Variants in CUL2 observed in about 807,000 individuals in gnomAD.
The protein encoded by CUL2 is cullin-2.
In CUL2, 22 loss-of-function variants were observed where a neutral mutation model predicts 110.2. The ratio of observed to expected loss-of-function variants is 0.20; its 90% CI spans 0.14 to 0.28. CUL2 has a LOEUF of 0.28. CUL2 is among the 10% of genes least tolerant of loss of function. The pLI is 1.00. For missense variants in CUL2, 631 were observed against 905.5 expected, an observed-to-expected ratio of 0.70 and a Z score of 3.89; for synonymous variants, 279 against 293.2, an observed-to-expected ratio of 0.95 and a Z score of 0.49.
At chr10:35,102,366 G>T (rs1045038835) in intron 1 of CUL2, among the ~76,000 whole-genome samples, 2 of 152,090 alleles carry the variant, frequency 1.3e-5, no homozygotes, top group Non-Finnish European at 2.9e-5. Flanking sequence ...GAGGCCAGGA[G>T]TTCAAGACCA....
chr10:35,026,778 G>A (rs1278220080), intron 16 of CUL2, among the ~76,000 whole-genome samples: 1 of 152,042 alleles, frequency 6.6e-6, no homozygotes, highest in Non-Finnish European at 1.5e-5. Flanking sequence ...AAATAATTGT[G>A]TTAGCAAAGC....
chr10:35,068,749 G>GTA (rs1451374343), intron 2 of CUL2, among the ~76,000 whole-genome samples: 1 of 152,134 alleles, frequency 6.6e-6, no homozygotes, highest in Non-Finnish European at 1.5e-5. Flanking sequence ...TATTTACATT[G>GTA]TATGGCCCTT....
intron 1 of CUL2, among the ~76,000 whole-genome samples, chr10:35,119,520 T>C (rs1409534003): frequency 6.6e-6 from 1 of 152,056 alleles, no homozygotes; most frequent in Non-Finnish European, 1.5e-5. Flanking sequence ...GGTACTCATA[T>C]CTAGGTATAC....
At chr10:35,016,109 A>G in intron 18 of CUL2, 83 bp downstream of exon 18, 1 of 1,118,876 alleles carries the variant, frequency 8.9e-7, no homozygotes, top group Non-Finnish European at 1.3e-6. Flanking sequence ...TAACAATTAC[A>G]GCCTTATTTT....
chr10:35,024,592 C>T (rs1427052794), intron 17 of CUL2, among the ~76,000 whole-genome samples: 1 of 152,200 alleles, frequency 6.6e-6, no homozygotes, highest in Non-Finnish European at 1.5e-5. Flanking sequence ...ATTAATCCTA[C>T]TGTAAGTAAG....
chr10:35,083,318 A>C (rs996901897), intron 1 of CUL2, among the ~76,000 whole-genome samples: 1 of 152,216 alleles, frequency 6.6e-6, no homozygotes, highest in African/African-American at 2.4e-5. Flanking sequence ...TGAATACACA[A>C]ACACACATAT....
Position 35,060,974 on chromosome 10 carries a change from TAA to T in CUL2, c.223-8_223-7del. 1 of 1,601,048 alleles carries T rather than the reference TAA, an allele frequency of 6.2e-7. No homozygotes were observed. The highest frequency in any genetic ancestry group is 8.5e-7 in the Non-Finnish European group (1 of 1,176,350). ...TCTTCTGACTCCAAAACTCTCTATA[TAA>T]AGAGGAAAAATATTTTTACTTGAAA... On this transcript the variant is annotated splice_polypyrimidine_tract_variant and splice_region_variant and intron_variant, in intron 3 of 20. Coordinates refer to ENST00000374749, the MANE Select transcript of CUL2 (RefSeq NM_003591.4).
intron 1 of CUL2, among the ~76,000 whole-genome samples, chr10:35,111,959 G>A (rs538310135): frequency 6.6e-6 from 1 of 152,332 alleles, no homozygotes; most frequent in African/African-American, 2.4e-5. Flanking sequence ...GAGATTGGGA[G>A]TGTGGTAGAA....
At chr10:35,050,006 TAAGA>T (rs2086057529) in intron 5 of CUL2, among the ~76,000 whole-genome samples, 1 of 152,190 alleles carries the variant, frequency 6.6e-6, no homozygotes. Flanking sequence ...TTGAAAATCT[TAAGA>T]AATAATTGAT....
At chr10:35,108,224 G>T (rs2087486946) in intron 1 of CUL2, among the ~76,000 whole-genome samples, 1 of 152,100 alleles carries the variant, frequency 6.6e-6, no homozygotes, top group Non-Finnish European at 1.5e-5. Context: ...CTGGGCTAAG[G>T]TGGGAGGATT....
intron 8 of CUL2, among the ~76,000 whole-genome samples, chr10:35,041,482 C>T (rs751793726): frequency 1.6e-4 from 25 of 152,204 alleles, no homozygotes; most frequent in Admixed American, 3.9e-4. Context: ...GAGCAAAGCC[C>T]AGGGTTTTGC....
rs188012888 is a variant in CUL2 at position 35,121,823 on chromosome 10, A to T, written c.-51+4782T>A. Among the ~76,000 whole-genome samples, 1,006 of 151,990 alleles carry T rather than the reference A, an allele frequency of 6.6e-3. 5 individuals are homozygous for T. Among genetic ancestry groups the T allele is most frequent in the African/African-American group, 9.2e-3 (380 of 41,512 alleles). ...AGACCCTGTCTCAAAAAAAAAAAAA[A>T]AAATAAAAATTAGTTTAGTTTAACG... On this transcript the variant is annotated intron_variant, in intron 1 of 5. Coordinates refer to the CUL2 transcript ENST00000685421.
chr10:35,057,686 C>A (rs2086275236), intron 4 of CUL2, among the ~76,000 whole-genome samples: 1 of 151,318 alleles, frequency 6.6e-6, no homozygotes, highest in South Asian at 2.1e-4. Context: ...AAAATAAAGT[C>A]ACAATTTAAA....
chr10:35,113,704 G>A (rs2087552996), intron 1 of CUL2, among the ~76,000 whole-genome samples: 1 of 150,732 alleles, frequency 6.6e-6, no homozygotes, highest in African/African-American at 2.4e-5. Context: ...TAGCAGACAA[G>A]TTTTTCTTTT....
intron 2 of CUL2, among the ~76,000 whole-genome samples, chr10:35,067,008 G>C (rs2086545713): frequency 1.3e-5 from 2 of 152,012 alleles, no homozygotes; most frequent in Admixed American, 1.3e-4. Context: ...GAAATGATAG[G>C]TGTGGTAGCG....
At chr10:35,104,743 G>A (rs533325517) in intron 1 of CUL2, among the ~76,000 whole-genome samples, 75 of 148,726 alleles carry the variant, frequency 5.0e-4, no homozygotes, top group Non-Finnish European at 9.9e-4. Flanking sequence ...AGACTTTTCT[G>A]GGGGGGGGAC....
chr10:35,010,534 ACT>A (rs2084873928), intron 20 of CUL2, 92 bp from the exon 21 acceptor site: 7 of 1,287,088 alleles, frequency 5.4e-6, no homozygotes, highest in Non-Finnish European at 7.2e-6. Context: ...CCTCAAATGT[ACT>A]GAGGTTTCAA....
At chr10:35,034,822 T>G (rs576261150) in intron 10 of CUL2, among the ~76,000 whole-genome samples, 2 of 152,276 alleles carry the variant, frequency 1.3e-5, no homozygotes, top group Non-Finnish European at 2.9e-5. Context: ...GTCGTCTATA[T>G]TACCACTGAT....
chr10:35,116,097 C>A (rs1347248118), intron 1 of CUL2, among the ~76,000 whole-genome samples: 1 of 152,000 alleles, frequency 6.6e-6, no homozygotes, highest in Admixed American at 6.6e-5. Flanking sequence ...AATCCCAGCA[C>A]TTTGGGAGGC....
Sources: gnomAD v4.1 joint callset for allele counts (sites outside exome capture counted in the v4.1 genomes callset) on GRCh38, gnomAD v4.1.1 for gene constraint, MANE v1.5 for transcripts, NCBI Gene and HGNC (gene_info 2026-07-23, HGNC 2026-07-21) for gene names.